FER: variants seen among roughly 807,000 people sequenced by gnomAD.
The protein encoded by FER is FER tyrosine kinase.
Under a neutral mutation model 111.0 loss-of-function variants are expected in FER, and 63 were observed. The observed-to-expected ratio is 0.57, with a 90% CI of 0.46 to 0.70. The LOEUF (loss-of-function observed/expected upper bound fraction) is 0.70, where lower values mean the gene tolerates loss of function less well. Ranked by LOEUF, FER falls within the 30% of genes least tolerant of loss-of-function variation. The pLI is 0.00. For synonymous variants in FER, 327 were observed against 313.9 expected (o/e 1.04, Z -0.44); for missense variants, 914 against 954.0 (o/e 0.96, Z 0.55).
chr5:109,116,755 CTT>C (rs1750303942), intron 17 of FER, among the ~76,000 whole-genome samples: 1 of 152,256 alleles, frequency 6.6e-6, no homozygotes, highest in East Asian at 1.9e-4. Context: ...GGATGTCACT[CTT>C]TGTAAGTAAA....
chr5:108,929,688 G>T (rs1754293453), intron 10 of FER, among the ~76,000 whole-genome samples: 1 of 152,038 alleles, frequency 6.6e-6, no homozygotes, highest in South Asian at 2.1e-4. Flanking sequence ...TGAATGAAGG[G>T]AGTAGTAACA....
intron 10 of FER, among the ~76,000 whole-genome samples, chr5:108,904,752 T>C (rs1276294539): frequency 2.0e-5 from 3 of 152,128 alleles, no homozygotes; most frequent in African/African-American, 7.2e-5. Context: ...GATTTTACTG[T>C]CAAAAAAGTT....
At chr5:109,058,756 G>A (rs1390730561) in intron 16 of FER, among the ~76,000 whole-genome samples, 5 of 92,798 alleles carry the variant, frequency 5.4e-5, no homozygotes, top group African/African-American at 2.0e-4. Flanking sequence ...TTTTTGAGAC[G>A]GAGTCTAGCT....
chr5:109,123,614 T>G (rs1461127530), intron 17 of FER, among the ~76,000 whole-genome samples: 1 of 152,242 alleles, frequency 6.6e-6, no homozygotes, highest in Non-Finnish European at 1.5e-5. Flanking sequence ...TTATTTAAAC[T>G]GATGTCAATT....
chr5:108,865,156 G>C (rs1763910636), intron 5 of FER, among the ~76,000 whole-genome samples: 2 of 152,102 alleles, frequency 1.3e-5, no homozygotes, highest in African/African-American at 2.4e-5. Flanking sequence ...TTGGCTCTCT[G>C]TCTGTTATTG....
At chr5:109,056,443 A>G in intron 16 of FER, among the ~76,000 whole-genome samples, 1 of 152,234 alleles carries the variant, frequency 6.6e-6, no homozygotes, top group East Asian at 1.9e-4. Flanking sequence ...CCTGGGGGAC[A>G]TTATGCTGAG....
At chr5:108,877,992 G>A (rs1037740602) in intron 8 of FER, among the ~76,000 whole-genome samples, 1 of 151,862 alleles carries the variant, frequency 6.6e-6, no homozygotes, top group African/African-American at 2.4e-5. Flanking sequence ...TGCAGCCTCT[G>A]CCTCCCACTT....
rs1554084619 is a variant in FER at position 108,879,701 on chromosome 5, A to ATATATATATATATATAT, written c.924-3695_924-3694insTATATATATATATATAT. Reference sequence around the variant, plus strand: ...ATGTATTTTTTTTAGATTAAAAAAAAATATATATATATATATATATATATT... The same window carrying ATATATATATATATATAT: ...ATGTATTTTTTTTAGATTAAAAAAAATATATATATATATATATATATATATATATATATATATATATT... On this transcript the variant is annotated intron_variant, in intron 8 of 19. Coordinates refer to ENST00000281092, the MANE Select transcript of FER (RefSeq NM_005246.4). 1.2e-3 allele frequency among the ~76,000 whole-genome samples: 114 copies of ATATATATATATATATAT among 99,054 alleles called. 2 individuals carry two copies. Among genetic ancestry groups the ATATATATATATATATAT allele is most frequent in the African/African-American group, 3.1e-3 (64 of 20,872 alleles). The allele number at this position is 99,054 out of a possible 152,430, so 65.0% of individuals were successfully genotyped here. A position where few individuals can be genotyped will look rare whatever the true frequency, so the allele number is the denominator to read the frequency against.
rs371521731 is a variant in FER, at chr5:109,160,284, G to T, written c.2049-20463G>T. Among the ~76,000 whole-genome samples, 4 of 152,216 alleles carry T rather than the reference G, an allele frequency of 2.6e-5. No homozygotes were observed. In the East Asian group the frequency reaches 7.7e-4, roughly 29 times the overall value. ...GGGAAGAAACAGTGATGAATCAAAC[G>T]ACAGGGATGAAAAGAGATTCATGAG... On this transcript the variant is annotated intron_variant, in intron 17 of 19. Transcript: ENST00000281092.
At chr5:108,964,584 GTGA>G (rs1759561108) in intron 13 of FER, among the ~76,000 whole-genome samples, 1 of 152,126 alleles carries the variant, frequency 6.6e-6, no homozygotes, top group South Asian at 2.1e-4. Context: ...AAAAGGGAGA[GTGA>G]TGGGAGATGA....
At chr5:109,107,115 G>A (rs925359727) in intron 17 of FER, among the ~76,000 whole-genome samples, 1 of 152,242 alleles carries the variant, frequency 6.6e-6, no homozygotes, top group East Asian at 1.9e-4. Flanking sequence ...CATGTCCTGT[G>A]TTACACAGAT....
intron 6 of FER, 114 bp from the exon 7 acceptor site, chr5:108,871,251 C>A: frequency 1.3e-6 from 1 of 782,386 alleles, no homozygotes; most frequent in Non-Finnish European, 2.0e-6. Flanking sequence ...AGGAAACAAC[C>A]ATCTGTACAT....
intron 13 of FER, among the ~76,000 whole-genome samples, chr5:109,013,676 A>G (rs1207207702): frequency 6.6e-6 from 1 of 151,862 alleles, no homozygotes; most frequent in Non-Finnish European, 1.5e-5. Flanking sequence ...CAATGGTTGA[A>G]CTAGTTTACA....
At chr5:109,161,746 G>A (rs1215547265) in intron 17 of FER, among the ~76,000 whole-genome samples, 1 of 152,052 alleles carries the variant, frequency 6.6e-6, no homozygotes, top group Non-Finnish European at 1.5e-5. Context: ...ATTCCTTTGG[G>A]TATATGCCCA....
rs1328931680 is a variant in FER, at chr5:109,037,458, T to C, written c.1693T>C (p.Leu565=). 1 of 1,612,142 alleles carries C rather than the reference T, an allele frequency of 6.2e-7. No individual in the cohort carries two copies. Among genetic ancestry groups the C allele is most frequent in the South Asian group, 1.1e-5 (1 of 90,946 alleles). Residue 565 remains leucine (L), a synonymous_variant, in exon 14 of 20, where the codon TTG becomes CTG. Transcript: ENST00000281092. ...KWILSHEDVI[L]GELLGKGNFG... is the part of the protein sequence containing the mutation. ...GATTCTCAGTCATGAAGATGTCATA[T>C]TGGGAGAATTACTGGGCAAGGTATG...
At chr5:108,994,086 T>C (rs564659284) in intron 13 of FER, among the ~76,000 whole-genome samples, 2 of 152,350 alleles carry the variant, frequency 1.3e-5, no homozygotes, top group South Asian at 4.1e-4. Flanking sequence ...CTGTTCACTC[T>C]GATGATAGTT....
At chr5:108,819,891 G>T (rs1358666326) in intron 3 of FER, 13 of 985,168 alleles carry the variant, frequency 1.3e-5, no homozygotes, top group Non-Finnish European at 1.6e-5. Flanking sequence ...GATAGATAAG[G>T]CAGTAGATGA....
At chr5:108,894,874 A>G (rs1748822896) in intron 9 of FER, among the ~76,000 whole-genome samples, 1 of 151,966 alleles carries the variant, frequency 6.6e-6, no homozygotes, top group Non-Finnish European at 1.5e-5. Context: ...AAGACCCCCC[A>G]TCATGTTTCA....
Position 109,146,522 on chromosome 5 carries a change from T to C in FER, c.2049-34225T>C, listed in dbSNP as rs116570075. ...CACATTTCCTCTGTTATTATTATAA[T>C]TGTTTTAGCTGTCTTGTTTATTTCT... On this transcript the variant is annotated intron_variant, in intron 17 of 19. Coordinates refer to ENST00000281092, the MANE Select transcript of FER (RefSeq NM_005246.4). Among the ~76,000 whole-genome samples, 1,130 of 151,866 alleles carry C rather than the reference T, an allele frequency of 7.4e-3. 15 individuals are homozygous for C. Among genetic ancestry groups the C allele is most frequent in the African/African-American group, 0.026 (1,071 of 41,462 alleles).
Sources: gnomAD v4.1 joint callset for allele counts (sites outside exome capture counted in the v4.1 genomes callset) on GRCh38, gnomAD v4.1.1 for gene constraint, MANE v1.5 for transcripts, NCBI Gene and HGNC (gene_info 2026-07-23, HGNC 2026-07-21) for gene names.